HEMK2: variants seen among roughly 807,000 people sequenced by gnomAD.
HEMK2 encodes the protein HemK methyltransferase 2, ETF1 glutamine and histone H4 lysine, also known as methyltransferase HEMK2.
chr21:28,735,551 G>A, the HEMK2 span, among the ~76,000 whole-genome samples: 1 of 152,140 alleles, frequency 6.6e-6, no homozygotes, highest in Non-Finnish European at 1.5e-5. Flanking sequence ...TGAGCAGCTG[G>A]GGAGATTTAA....
chr21:28,699,560 G>A, the HEMK2 span, among the ~76,000 whole-genome samples: 1 of 152,166 alleles, frequency 6.6e-6, no homozygotes, highest in Non-Finnish European at 1.5e-5. Context: ...AGTATCATTG[G>A]CATTTTAGGG....
At chr21:28,603,571 G>GTT in the HEMK2 span, among the ~76,000 whole-genome samples, 4 of 150,464 alleles carry the variant, frequency 2.7e-5, no homozygotes, top group Non-Finnish European at 5.9e-5. Flanking sequence ...GTGTGTGTGT[G>GTT]TGTGTGTGTG....
At chr21:28,648,846 A>G in the HEMK2 span, among the ~76,000 whole-genome samples, 1 of 152,026 alleles carries the variant, frequency 6.6e-6, no homozygotes, top group Non-Finnish European at 1.5e-5. Context: ...CAGGTTAGCT[A>G]CATATGTATA....
At chr21:28,728,315 T>C in the HEMK2 span, among the ~76,000 whole-genome samples, 2 of 152,170 alleles carry the variant, frequency 1.3e-5, no homozygotes, top group African/African-American at 2.4e-5. Flanking sequence ...AATAATCTAA[T>C]ACAGATATGA....
the HEMK2 span, among the ~76,000 whole-genome samples, chr21:28,715,533 G>A: frequency 6.6e-6 from 1 of 151,890 alleles, no homozygotes; most frequent in Non-Finnish European, 1.5e-5. Flanking sequence ...ACATATTCTG[G>A]ATATTAGACC....
chr21:28,766,449 G>T, the HEMK2 span, among the ~76,000 whole-genome samples: 65,598 of 151,238 alleles, frequency 0.43, 15,470 homozygotes, highest in African/African-American at 0.61. Flanking sequence ...AGTATGAGAT[G>T]CCTTAAAGAA....
the HEMK2 span, among the ~76,000 whole-genome samples, chr21:28,820,864 C>T: frequency 2.0e-5 from 3 of 152,204 alleles, 1 homozygote; most frequent in African/African-American, 7.2e-5. Context: ...CTGAAGCAAT[C>T]ATATGTTTTT....
the HEMK2 span, among the ~76,000 whole-genome samples, chr21:28,714,041 G>A: frequency 6.6e-6 from 1 of 152,168 alleles, no homozygotes; most frequent in Non-Finnish European, 1.5e-5. Context: ...ACCTTGTACT[G>A]TACGCCAGAA....
the HEMK2 span, among the ~76,000 whole-genome samples, chr21:28,768,452 A>T: frequency 1.3e-5 from 2 of 152,002 alleles, no homozygotes; most frequent in Non-Finnish European, 2.9e-5. Flanking sequence ...TCCCGTATGG[A>T]AATACCCATT....
At chr21:28,666,002 C>A in the HEMK2 span, among the ~76,000 whole-genome samples, 2 of 152,158 alleles carry the variant, frequency 1.3e-5, no homozygotes, top group African/African-American at 4.8e-5. Context: ...ACATCAATTT[C>A]TCTTACATTT....
At chr21:28,794,791 G>A in the HEMK2 span, among the ~76,000 whole-genome samples, 1 of 152,204 alleles carries the variant, frequency 6.6e-6, no homozygotes, top group Admixed American at 6.5e-5. Context: ...CTGACTCTGC[G>A]AAGGCTGTTT....
At chr21:28,787,301 A>T in the HEMK2 span, among the ~76,000 whole-genome samples, 1 of 152,344 alleles carries the variant, frequency 6.6e-6, no homozygotes, top group African/African-American at 2.4e-5. Flanking sequence ...ACATTGGCTT[A>T]GGCAAGGATT....
chr21:28,797,482 C>CAGGGCACACTGA, the HEMK2 span, among the ~76,000 whole-genome samples: 1 of 150,760 alleles, frequency 6.6e-6, no homozygotes, highest in African/African-American at 2.4e-5. Flanking sequence ...AACAAATTAG[C>CAGGGCACACTGA]TGTGTGCCTG....
At chr21:28,859,397 G>T in the HEMK2 span, among the ~76,000 whole-genome samples, 1 of 152,158 alleles carries the variant, frequency 6.6e-6, no homozygotes, top group South Asian at 2.1e-4. Flanking sequence ...CGTTTTCCCT[G>T]CACCTGGTCA....
chr21:28,730,433 T>C, the HEMK2 span, among the ~76,000 whole-genome samples: 1 of 105,842 alleles, frequency 9.4e-6, no homozygotes, highest in African/African-American at 4.7e-5. Context: ...TCACAATTTC[T>C]ATGGATCAGG....
At chr21:28,877,527 A>C in the HEMK2 span, among the ~76,000 whole-genome samples, 1 of 104,440 alleles carries the variant, frequency 9.6e-6, no homozygotes. Flanking sequence ...AAAAAAGAAA[A>C]GAGAAGAGAA....
At chr21:28,696,670 G>A in the HEMK2 span, among the ~76,000 whole-genome samples, 1 of 152,130 alleles carries the variant, frequency 6.6e-6, no homozygotes, top group African/African-American at 2.4e-5. Context: ...TCTGTTTGAG[G>A]ACTCCCATCC....
the HEMK2 span, among the ~76,000 whole-genome samples, chr21:28,611,059 T>C: frequency 6.6e-6 from 1 of 152,166 alleles, no homozygotes. Context: ...ACTTAACAGA[T>C]ATTTACAGAA....
the HEMK2 span, chr21:28,878,396 T>A: frequency 1.3e-6 from 2 of 1,583,378 alleles, no homozygotes; most frequent in Non-Finnish European, 1.7e-6. Context: ...ACAAACTGAA[T>A]CTTTTTGACA....
Sources: gnomAD v4.1 joint callset for allele counts (sites outside exome capture counted in the v4.1 genomes callset) on GRCh38, gnomAD v4.1.1 for gene constraint, MANE v1.5 for transcripts, NCBI Gene and HGNC (gene_info 2026-07-23, HGNC 2026-07-21) for gene names.